The following CDH13 variants were observed in gnomAD, a reference collection of about 807,000 sequenced individuals.
CDH13 encodes cadherin 13.
Under a neutral mutation model 63.8 loss-of-function variants are expected in CDH13, and 24 were observed. The ratio of observed to expected loss-of-function variants is 0.38; its 90% CI spans 0.27 to 0.53. The LOEUF is 0.53. CDH13 is among the 20% of genes least tolerant of loss of function. CDH13 has a pLI of 0.85. For synonymous variants in CDH13, 503 were observed against 355.3 expected (o/e 1.42, Z -4.67); for missense variants, 1,049 against 903.1 (o/e 1.16, Z -2.07).
chr16:82,953,674 A>T (rs1251875123), intron 2 of CDH13: 1 of 152,194 alleles, frequency 6.6e-6, no homozygotes, highest in Non-Finnish European at 1.5e-5. Context: ...AAAGTCTTTG[A>T]AAACCTGGAG....
chr16:82,943,193 C>T (rs143690609), intron 2 of CDH13, among the ~76,000 whole-genome samples: 3 of 152,276 alleles, frequency 2.0e-5, no homozygotes, highest in African/African-American at 7.2e-5. Flanking sequence ...TTCTTCCATT[C>T]TGATTGTCTC....
At chr16:82,761,550 C>T (rs1411236359) in intron 1 of CDH13, among the ~76,000 whole-genome samples, 2 of 152,186 alleles carry the variant, frequency 1.3e-5, no homozygotes, top group African/African-American at 4.8e-5. Flanking sequence ...GGTTTCATCA[C>T]ATGGCATTGC....
intron 6 of CDH13, chr16:83,397,300 A>C (rs978346572): frequency 1.1e-4 from 17 of 152,200 alleles, no homozygotes; most frequent in Admixed American, 1.1e-3. Flanking sequence ...TAAACCAGTC[A>C]AGAAGTTCAA....
At chr16:82,802,586 G>T (rs1244858586) in intron 1 of CDH13, among the ~76,000 whole-genome samples, 1 of 152,148 alleles carries the variant, frequency 6.6e-6, no homozygotes, top group Non-Finnish European at 1.5e-5. Flanking sequence ...TGTGCCCACA[G>T]CCCAGGGTTC....
At position 83,673,261 on chromosome 16, in the gene CDH13, A is replaced by C. The variant is rs563400612; in HGVS notation, c.1284+2289A>C. 2.6e-5 allele frequency among the ~76,000 whole-genome samples: 4 copies of C among 152,326 alleles called. No individual in the cohort carries two copies. In the East Asian group the frequency reaches 7.7e-4, roughly 29 times the overall value. The stretch of plus-strand genomic sequence containing the variant: ...ATCCTTAATATTACGTAGTACATAC[A>C]TTCGTTCATCGGACATAGCACATTG... On this transcript the variant is annotated intron_variant, in intron 9 of 13. Transcript: ENST00000567109.
chr16:83,561,031 T>A (rs983597822), intron 7 of CDH13, among the ~76,000 whole-genome samples: 1 of 152,194 alleles, frequency 6.6e-6, no homozygotes, highest in Admixed American at 6.5e-5. Context: ...AGGTTTTTCT[T>A]AATTATTTAA....
At chr16:82,881,938 A>T (rs993316800) in intron 2 of CDH13, among the ~76,000 whole-genome samples, 1 of 152,136 alleles carries the variant, frequency 6.6e-6, no homozygotes, top group Non-Finnish European at 1.5e-5. Context: ...CTGCTGTTTA[A>T]CCTGCAGTAC....
intron 10 of CDH13, among the ~76,000 whole-genome samples, chr16:83,741,979 A>T (rs1431557496): frequency 6.6e-6 from 1 of 152,174 alleles, no homozygotes; most frequent in Non-Finnish European, 1.5e-5. Flanking sequence ...TCATGGAAAA[A>T]TTGTCTTCCA....
intron 5 of CDH13, among the ~76,000 whole-genome samples, chr16:83,338,143 A>G (rs1182928914): frequency 1.3e-5 from 2 of 149,270 alleles, no homozygotes; most frequent in Non-Finnish European, 3.0e-5. Flanking sequence ...AAAAGGCCAG[A>G]CCTGTATGGG....
chr16:82,826,613 A>G (rs2038267082), intron 1 of CDH13: 1 of 152,196 alleles, frequency 6.6e-6, no homozygotes, highest in Non-Finnish European at 1.5e-5. Context: ...TCACTTCCAG[A>G]TTGAAGCACT....
chr16:82,856,045 C>T (rs1053893995), intron 1 of CDH13, among the ~76,000 whole-genome samples: 7 of 152,038 alleles, frequency 4.6e-5, no homozygotes, highest in Non-Finnish European at 2.9e-5. Flanking sequence ...GATTTGAGTG[C>T]AAGTAATTTG....
intron 7 of CDH13, among the ~76,000 whole-genome samples, chr16:83,536,703 G>A (rs1418205904): frequency 6.6e-6 from 1 of 152,186 alleles, no homozygotes; most frequent in Non-Finnish European, 1.5e-5. Flanking sequence ...AGATGGAGAA[G>A]GAGATAAGAG....
intron 1 of CDH13, among the ~76,000 whole-genome samples, chr16:82,828,236 C>A (rs935242041): frequency 6.6e-6 from 1 of 152,206 alleles, no homozygotes; most frequent in South Asian, 2.1e-4. Context: ...TTGCCTCTGC[C>A]ATGAAGACTC....
chr16:82,816,185 T>A (rs534597573), intron 1 of CDH13, among the ~76,000 whole-genome samples: 298 of 152,240 alleles, frequency 2.0e-3, no homozygotes, highest in African/African-American at 7.0e-3. Context: ...GAGCCCCTCC[T>A]GGAAGCAAAC....
At chr16:82,913,771 A>G (rs551692387) in intron 2 of CDH13, among the ~76,000 whole-genome samples, 1 of 151,846 alleles carries the variant, frequency 6.6e-6, no homozygotes, top group East Asian at 1.9e-4. Flanking sequence ...CATTTGGGAG[A>G]TGAAGGGGGT....
intron 1 of CDH13, among the ~76,000 whole-genome samples, chr16:82,643,482 G>C (rs1162230359): frequency 6.6e-6 from 1 of 152,214 alleles, no homozygotes; most frequent in Non-Finnish European, 1.5e-5. Flanking sequence ...TAAGACCCAG[G>C]CTGTTTGGGT....
chr16:82,827,202 T>G lies in CDH13; in HGVS notation c.46-31160T>G, dbSNP rs182494436. ...TTGGACTCTTAGAAATGGATAAAGT[T>G]TAGGTTTGTAATTTCCCAGACAGAG... On this transcript the variant is annotated intron_variant, in intron 1 of 13. Coordinates refer to ENST00000567109, the MANE Select transcript of CDH13 (RefSeq NM_001257.5). Among the ~76,000 whole-genome samples the G allele has an allele frequency of 2.1e-4, 32 of 152,232 alleles. 1 individual carries two copies. The highest frequency in any genetic ancestry group is 7.0e-4 in the African/African-American group (29 of 41,542).
At chr16:82,826,226 C>G (rs2038246934) in intron 1 of CDH13, 1 of 152,288 alleles carries the variant, frequency 6.6e-6, no homozygotes, top group South Asian at 2.1e-4. Context: ...TTGCGATAAA[C>G]AGCCACACAA....
chr16:83,460,969 G>A (rs946848138), intron 6 of CDH13, among the ~76,000 whole-genome samples: 1 of 138,500 alleles, frequency 7.2e-6, no homozygotes, highest in Non-Finnish European at 1.5e-5. Flanking sequence ...GACAGAATTA[G>A]ACCTTGTCTC....
Sources: gnomAD v4.1 joint callset for allele counts (sites outside exome capture counted in the v4.1 genomes callset) on GRCh38, gnomAD v4.1.1 for gene constraint, MANE v1.5 for transcripts, NCBI Gene and HGNC (gene_info 2026-07-23, HGNC 2026-07-21) for gene names.